GTF2IRD1: variants seen among roughly 807,000 people sequenced by gnomAD.
The protein encoded by GTF2IRD1 is general transcription factor II-I repeat domain-containing protein 1.
GTF2IRD1 carries 26 observed loss-of-function variants against 113.2 expected under a neutral mutation model. The ratio of observed to expected loss-of-function variants is 0.23; its 90% CI spans 0.17 to 0.32. The LOEUF is 0.32. GTF2IRD1 is among the 10% of genes least tolerant of loss of function. The probability of loss-of-function intolerance (pLI) is 1.00; values close to 1 mark genes in which losing one functional copy is unlikely to be tolerated. For synonymous variants in GTF2IRD1, 484 were observed against 529.1 expected (o/e 0.91, Z 1.17); for missense variants, 864 against 1,280.8 (o/e 0.67, Z 4.97).
chr7:74,567,018 C>G (rs1341246287), intron 22 of GTF2IRD1, among the ~76,000 whole-genome samples: 2 of 152,084 alleles, frequency 1.3e-5, no homozygotes, highest in Non-Finnish European at 2.9e-5. Flanking sequence ...CCTTTGAGTT[C>G]ATTTATTTGT....
chr7:74,511,676 C>T (rs1364426010), intron 2 of GTF2IRD1, among the ~76,000 whole-genome samples: 12 of 152,194 alleles, frequency 7.9e-5, no homozygotes, highest in Admixed American at 6.5e-4. Context: ...GATTATGGCC[C>T]AGAGAGGTTA....
intron 1 of GTF2IRD1, among the ~76,000 whole-genome samples, chr7:74,484,462 T>TC (rs1794908742): frequency 6.7e-6 from 1 of 150,352 alleles, no homozygotes; most frequent in African/African-American, 2.5e-5. Flanking sequence ...TCTTTTTTTT[T>TC]TTTTTTTTTT....
intron 1 of GTF2IRD1, among the ~76,000 whole-genome samples, chr7:74,500,123 G>C (rs1795943004): frequency 6.6e-6 from 1 of 152,196 alleles, no homozygotes; most frequent in African/African-American, 2.4e-5. Context: ...ATGGTGTAAG[G>C]GCTTGGGCTT....
rs782377595 is a variant in GTF2IRD1 at position 74,555,526 on chromosome 7, C to G, written c.2023+32C>G. The G allele has an allele frequency of 9.6e-6, 13 of 1,361,146 alleles. No individual in the cohort carries two copies. In the Admixed American group the frequency reaches 1.5e-4, roughly 16 times the overall value. 84.3% of individuals were successfully genotyped at this position (1,361,146 alleles called of 1,614,324 possible). A position where few individuals can be genotyped will look rare whatever the true frequency, so the allele number is the denominator to read the frequency against. On this transcript the variant is annotated intron_variant, in intron 19 of 26. Transcript: ENST00000424337. This position sits in a 1 kb window ranked among gnomAD's most constrained non-coding sequence, Gnocchi z 5.3. ...TTGAGCTCACGGGGAGGTCTGTTGTCCCAGCACCAGGACATTGACCTGGTT... is the reference window on the plus strand; with the variant it reads ...TTGAGCTCACGGGGAGGTCTGTTGTGCCAGCACCAGGACATTGACCTGGTT...
chr7:74,576,279 GGC>G (rs367575497), intron 22 of GTF2IRD1, among the ~76,000 whole-genome samples: 18 of 151,996 alleles, frequency 1.2e-4, no homozygotes, highest in African/African-American at 4.1e-4. Context: ...AGGTGTCAGG[GGC>G]CAGGTGCAGT....
intron 1 of GTF2IRD1, among the ~76,000 whole-genome samples, chr7:74,468,676 C>CTGTGTGTGTGTGTG (rs61694825): frequency 2.3e-5 from 3 of 129,416 alleles, no homozygotes; most frequent in South Asian, 2.6e-4. Flanking sequence ...AAAAAAAAAA[C>CTGTGTGTGTGTGTG]TGTGTGTGTG....
intron 4 of GTF2IRD1, 84 bp downstream of exon 4, chr7:74,515,680 T>A: frequency 7.9e-7 from 1 of 1,260,498 alleles, no homozygotes; most frequent in East Asian, 2.4e-5. Context: ...CCCCCTCCTG[T>A]CCCACTATGG....
rs1223496433 is a variant in GTF2IRD1, at chr7:74,581,115, G to A, written c.2321-8736G>A. ...GCTCACTGCAACCTCCGCCTCCCGGGTTCAAGTGATTCTCCTGCCTCAGCC... is the reference window on the plus strand; with the variant it reads ...GCTCACTGCAACCTCCGCCTCCCGGATTCAAGTGATTCTCCTGCCTCAGCC... On this transcript the variant is annotated intron_variant, in intron 22 of 26. Transcript: ENST00000424337. Among the ~76,000 whole-genome samples, 4 of 151,876 alleles carry A rather than the reference G, an allele frequency of 2.6e-5. No homozygotes were observed. In the East Asian group the frequency reaches 7.7e-4, roughly 29 times the overall value.
chr7:74,588,318 G>A (rs1239778671), intron 22 of GTF2IRD1, among the ~76,000 whole-genome samples: 15 of 151,700 alleles, frequency 9.9e-5, no homozygotes, highest in African/African-American at 3.6e-4. Context: ...ATGTTGGCCA[G>A]GGTGGTCTCA....
In GTF2IRD1 at chr7:74,519,650, G is replaced by C; in HGVS notation, c.847G>C (p.Asp283His). The change falls in exon 6 of 27, where the codon GAC becomes CAC. Residue 283 changes from aspartate (D) to histidine (H), a missense_variant. By Grantham distance (81) the Asp-to-His change is moderately conservative. This residue lies in a region of GTF2IRD1 where 195 missense variants were observed against 196.6 expected (regional missense o/e 0.99). Coordinates refer to ENST00000424337, the MANE Select transcript of GTF2IRD1 (RefSeq NM_005685.4). ...EAPSCPLAPS[D>H]LGLSRPMPEP... ...ACCTTCCTGCCCCCTTGCCCCCAGCGACCTGGGCCTGAGTCGGCCCATGCC... is the reference window on the plus strand; with the variant it reads ...ACCTTCCTGCCCCCTTGCCCCCAGCCACCTGGGCCTGAGTCGGCCCATGCC... 2 of 1,610,134 alleles carry C rather than the reference G, an allele frequency of 1.2e-6. No individual in the cohort carries two copies. Among genetic ancestry groups the C allele is most frequent in the East Asian group, 2.2e-5 (1 of 44,766 alleles).
intron 1 of GTF2IRD1, among the ~76,000 whole-genome samples, chr7:74,470,537 A>G (rs1234542602): frequency 7.9e-5 from 12 of 152,176 alleles, no homozygotes; most frequent in Admixed American, 5.2e-4. Flanking sequence ...GTATTTACCT[A>G]TGAGAAATGA....
intron 1 of GTF2IRD1, among the ~76,000 whole-genome samples, chr7:74,471,819 C>T (rs1365547192): frequency 6.6e-6 from 1 of 151,726 alleles, no homozygotes; most frequent in African/African-American, 2.4e-5. Context: ...TGGTGAAACT[C>T]TGTCTCTACT....
At chr7:74,595,187 C>G (rs1802333485) in intron 25 of GTF2IRD1, 136 bp downstream of exon 25, 1 of 522,446 alleles carries the variant, frequency 1.9e-6, no homozygotes, top group Non-Finnish European at 3.6e-6. Context: ...AGGCAGATCA[C>G]TTGAGGTCAG....
At chr7:74,570,459 GC>G (rs1428073027) in intron 22 of GTF2IRD1, among the ~76,000 whole-genome samples, 1 of 151,610 alleles carries the variant, frequency 6.6e-6, no homozygotes, top group Non-Finnish European at 1.5e-5. Flanking sequence ...CAGGAGACCA[GC>G]CTGGGCAACA....
intron 1 of GTF2IRD1, among the ~76,000 whole-genome samples, chr7:74,479,530 C>T (rs1401982443): frequency 6.6e-6 from 1 of 152,060 alleles, no homozygotes; most frequent in Non-Finnish European, 1.5e-5. Flanking sequence ...AGGGAAGGCG[C>T]CTCCCTTGTA....
At chr7:74,505,575 C>T (rs1215820050) in intron 1 of GTF2IRD1, among the ~76,000 whole-genome samples, 1 of 152,238 alleles carries the variant, frequency 6.6e-6, no homozygotes, top group Non-Finnish European at 1.5e-5. Context: ...GAGCCGGCCG[C>T]TGTCTGGGGC....
chr7:74,506,096 G>A (rs1196008044), intron 1 of GTF2IRD1: 2 of 152,244 alleles, frequency 1.3e-5, no homozygotes, highest in Non-Finnish European at 2.9e-5. Context: ...AGCCAGAACT[G>A]AGGCCAGAGC....
At chr7:74,589,358 CAAAAAA>C (rs1214609089) in intron 22 of GTF2IRD1, among the ~76,000 whole-genome samples, 2 of 151,382 alleles carry the variant, frequency 1.3e-5, no homozygotes, top group Admixed American at 1.3e-4. Context: ...GACCGTGTCT[CAAAAAA>C]AGAAAAATGG....
In GTF2IRD1 at chr7:74,512,056, T is replaced by C. The variant is rs1034735579; in HGVS notation, c.124-774T>C. ...ACTGGGCTGCTTGTCCCCAATTCTA[T>C]AGACGTGGAAACTGGCCACGCAGAG... On this transcript the variant is annotated intron_variant, in intron 2 of 26. Coordinates refer to ENST00000424337, the MANE Select transcript of GTF2IRD1 (RefSeq NM_005685.4). The surrounding 1 kb of genome is among the most constrained non-coding windows in gnomAD (Gnocchi z 4.4). Among the ~76,000 whole-genome samples, 3 of 152,112 alleles carry C rather than the reference T, an allele frequency of 2.0e-5. No homozygotes were observed. The highest frequency in any genetic ancestry group is 2.9e-5 in the Non-Finnish European group (2 of 68,004).
Sources: gnomAD v4.1 joint callset for allele counts (sites outside exome capture counted in the v4.1 genomes callset) on GRCh38, gnomAD v4.1.1 for gene constraint, gnomAD v4.1.1 regional missense constraint, Gnocchi (gnomAD v3.1) non-coding constraint, MANE v1.5 for transcripts, NCBI Gene and HGNC (gene_info 2026-07-23, HGNC 2026-07-21) for gene names.